Variants in TUSC3 observed in about 807,000 individuals in gnomAD.
The protein encoded by TUSC3 is tumor suppressor candidate 3.
TUSC3 carries 45 observed loss-of-function variants against 44.8 expected under a neutral mutation model. The ratio of observed to expected loss-of-function variants is 1.00; its 90% CI spans 0.79 to 1.29. The LOEUF is 1.29. Among genes scored for constraint, TUSC3 ranks in the 50% most tolerant of loss-of-function variants. The pLI is 0.00. For missense variants in TUSC3, 519 were observed against 437.9 expected (o/e 1.19, Z -1.65); for synonymous variants, 212 against 152.9 (o/e 1.39, Z -2.85).
chr8:15,743,188 CAT>C (rs1222617555), intron 7 of TUSC3, among the ~76,000 whole-genome samples: 14 of 152,170 alleles, frequency 9.2e-5, no homozygotes, highest in Middle Eastern at 3.2e-3. Flanking sequence ...GTGTCAATGA[CAT>C]GTGTCATGTC....
intron 2 of TUSC3, among the ~76,000 whole-genome samples, chr8:15,528,535 T>A (rs1416951774): frequency 2.0e-5 from 3 of 152,160 alleles, no homozygotes; most frequent in African/African-American, 7.2e-5. Flanking sequence ...TGCAGCAAAC[T>A]CATATCTGTC....
intron 1 of TUSC3, among the ~76,000 whole-genome samples, chr8:15,595,720 G>T (rs1585136729): frequency 1.3e-5 from 2 of 152,254 alleles, no homozygotes; most frequent in East Asian, 3.9e-4. Flanking sequence ...TTTAAGCCTA[G>T]TGTAATACAA....
intron 6 of TUSC3, among the ~76,000 whole-genome samples, chr8:15,691,587 C>T (rs1053310139): frequency 2.0e-5 from 3 of 152,066 alleles, no homozygotes; most frequent in African/African-American, 4.8e-5. Flanking sequence ...TATCTTGTTC[C>T]AGCTTTCAAG....
At chr8:15,645,004 G>T (rs1449937319) in intron 2 of TUSC3, among the ~76,000 whole-genome samples, 7 of 152,094 alleles carry the variant, frequency 4.6e-5, no homozygotes, top group Non-Finnish European at 8.8e-5. Context: ...GGTTGCAATG[G>T]AGAATTTATG....
At chr8:15,650,921 C>G in intron 3 of TUSC3, 107 bp downstream of exon 3, 1 of 1,244,198 alleles carries the variant, frequency 8.0e-7, no homozygotes, top group Non-Finnish European at 1.2e-6. Flanking sequence ...ACCTGGGAGG[C>G]GGAGGTTGCA....
intron 2 of TUSC3, among the ~76,000 whole-genome samples, chr8:15,643,926 A>G (rs577472298): frequency 6.6e-6 from 1 of 152,258 alleles, no homozygotes; most frequent in East Asian, 1.9e-4. Context: ...GGGTTTTATT[A>G]TGGCATAAGT....
At chr8:15,773,586 G>C in the TUSC3 span, among the ~76,000 whole-genome samples, 2 of 152,044 alleles carry the variant, frequency 1.3e-5, no homozygotes, top group African/African-American at 4.8e-5. Flanking sequence ...AAATAAGAAA[G>C]CTGATTCATA....
Position 15,484,706 on chromosome 8 carries a change from C to T in TUSC3, n.189+1223C>T, listed in dbSNP as rs556825645. On this transcript the variant is annotated intron_variant and non_coding_transcript_variant, in intron 2 of 5. Transcript: ENST00000503191. Reference sequence around the variant, plus strand: ...AGGCAATTCTTGCTTTGCACAGTGGCGCAGAGTCAGAAAACTGAATTTAAG... The same window carrying T: ...AGGCAATTCTTGCTTTGCACAGTGGTGCAGAGTCAGAAAACTGAATTTAAG... Among the ~76,000 whole-genome samples the T allele has an allele frequency of 2.0e-5, 3 of 152,232 alleles. No homozygotes were observed. The East Asian group carries it at 5.8e-4, about 29-fold the overall frequency.
chr8:15,527,112 C>T (rs894206693), intron 2 of TUSC3, among the ~76,000 whole-genome samples: 6 of 152,252 alleles, frequency 3.9e-5, no homozygotes, highest in South Asian at 2.1e-4. Context: ...TGCATATTGG[C>T]GTGCACTGCT....
chr8:15,745,251 A>T (rs947624595), intron 8 of TUSC3, among the ~76,000 whole-genome samples: 1 of 152,094 alleles, frequency 6.6e-6, no homozygotes. Context: ...GCTGATGTGC[A>T]TAGGGCTGTA....
At chr8:15,810,014 T>C in the TUSC3 span, among the ~76,000 whole-genome samples, 1 of 152,214 alleles carries the variant, frequency 6.6e-6, no homozygotes, top group Non-Finnish European at 1.5e-5. Context: ...AGATTCTGAA[T>C]TTCTTACATG....
At chr8:15,552,051 A>G (rs1009592738) in intron 1 of TUSC3, among the ~76,000 whole-genome samples, 1 of 151,830 alleles carries the variant, frequency 6.6e-6, no homozygotes, top group Non-Finnish European at 1.5e-5. Flanking sequence ...ATTATGGCAG[A>G]AGCCCAAAGT....
At chr8:15,428,081 T>A (rs1209815431) in intron 1 of TUSC3, among the ~76,000 whole-genome samples, 2 of 151,124 alleles carry the variant, frequency 1.3e-5, no homozygotes, top group East Asian at 3.9e-4. Context: ...AACTCGTCAT[T>A]TAGCATTAGG....
chr8:15,661,249 A>G (rs2129179689), intron 4 of TUSC3, among the ~76,000 whole-genome samples: 1 of 152,198 alleles, frequency 6.6e-6, no homozygotes, highest in African/African-American at 2.4e-5. Flanking sequence ...AATTTTGTCA[A>G]GTAACCTAAT....
At chr8:15,473,434 C>G (rs903797704) in intron 1 of TUSC3, among the ~76,000 whole-genome samples, 1 of 152,202 alleles carries the variant, frequency 6.6e-6, no homozygotes, top group Non-Finnish European at 1.5e-5. Context: ...TCTGAATTTG[C>G]TCTTCAACTT....
At chr8:15,506,219 A>G (rs1801048040) in intron 2 of TUSC3, among the ~76,000 whole-genome samples, 1 of 152,148 alleles carries the variant, frequency 6.6e-6, no homozygotes. Context: ...CTGAAGCAAA[A>G]GTTTTTCTCT....
chr8:15,459,176 A>G (rs929678933), intron 1 of TUSC3, among the ~76,000 whole-genome samples: 2 of 152,160 alleles, frequency 1.3e-5, no homozygotes, highest in African/African-American at 2.4e-5. Flanking sequence ...CTTCATCACT[A>G]TGATATTTAC....
chr8:15,627,062 G>A (rs559893983), intron 2 of TUSC3, among the ~76,000 whole-genome samples: 7 of 152,290 alleles, frequency 4.6e-5, no homozygotes, highest in East Asian at 1.9e-4. Context: ...ACCAGTCAGC[G>A]CACACTATAT....
At chr8:15,543,295 C>T (rs1801751300) in intron 1 of TUSC3, among the ~76,000 whole-genome samples, 1 of 152,116 alleles carries the variant, frequency 6.6e-6, no homozygotes, top group Non-Finnish European at 1.5e-5. Flanking sequence ...CAGTGTTTTT[C>T]TTCCTTCTAG....
Sources: allele counts gnomAD v4.1 joint callset (sites outside exome capture counted in the v4.1 genomes callset), GRCh38; gene constraint gnomAD v4.1.1; transcripts MANE v1.5; gene names NCBI Gene and HGNC (gene_info 2026-07-23, HGNC 2026-07-21).